The following PPFIBP1 variants were observed in gnomAD, a reference collection of about 807,000 sequenced individuals.
PPFIBP1 encodes PPFIB scaffold protein 1.
A neutral mutation model predicts 137.8 loss-of-function variants in PPFIBP1; 112 were observed. The ratio of observed to expected loss-of-function variants is 0.81; its 90% CI spans 0.70 to 0.95. The LOEUF is 0.95. Among genes scored for constraint, PPFIBP1 ranks in the 40% least tolerant of loss-of-function variants. PPFIBP1 has a pLI of 0.00. For missense variants in PPFIBP1, 1,083 were observed against 1,196.6 expected (o/e 0.91, Z 1.40); for synonymous variants, 378 against 417.3 (o/e 0.91, Z 1.15).
At chr12:27,549,734 G>A (rs1183735003) in intron 1 of PPFIBP1, among the ~76,000 whole-genome samples, 2 of 152,154 alleles carry the variant, frequency 1.3e-5, no homozygotes. Flanking sequence ...CTAGGAAAGT[G>A]GCAGTTCCAG....
chr12:27,560,768 A>G (rs1342584584), intron 1 of PPFIBP1, among the ~76,000 whole-genome samples: 1 of 152,190 alleles, frequency 6.6e-6, no homozygotes, highest in African/African-American at 2.4e-5. Flanking sequence ...CCTGGTCCAG[A>G]GGTTTATCCT....
rs563286272 is a variant in PPFIBP1 at position 27,610,737 on chromosome 12, G to A, written c.-35-22625G>A. On this transcript the variant is annotated intron_variant, in intron 2 of 29. Coordinates refer to ENST00000228425, the MANE Select transcript of PPFIBP1 (RefSeq NM_003622.4). ...GTATATCATATATCTGTGTGTCGCT[G>A]CCAGGATCCTAGCATGAACCTCTCC... 2.5e-3 allele frequency among the ~76,000 whole-genome samples: 388 copies of A among 152,242 alleles called. 2 individuals carry two copies. The highest frequency in any genetic ancestry group is 7.5e-3 in the Admixed American group (114 of 15,286).
At chr12:27,652,056 C>T (rs1255119146) in intron 7 of PPFIBP1, among the ~76,000 whole-genome samples, 1 of 152,136 alleles carries the variant, frequency 6.6e-6, no homozygotes, top group East Asian at 1.9e-4. Flanking sequence ...TGTGATGTTA[C>T]ATATGAAAAT....
At chr12:27,687,674 C>T (rs768413553) in intron 25 of PPFIBP1, among the ~76,000 whole-genome samples, 167 bp downstream of exon 25, 4 of 152,196 alleles carry the variant, frequency 2.6e-5, no homozygotes, top group Non-Finnish European at 4.4e-5. Context: ...CTCTCCATGA[C>T]GGTTCCCCTT....
chr12:27,687,581 GC>G, intron 25 of PPFIBP1, 74 bp downstream of exon 25: 2 of 1,491,480 alleles, frequency 1.3e-6, no homozygotes, highest in Non-Finnish European at 1.8e-6. Flanking sequence ...GAAACTAAGA[GC>G]CATTTTTCTT....
chr12:27,686,775 G>A (rs1352096315), intron 24 of PPFIBP1, among the ~76,000 whole-genome samples: 2 of 151,964 alleles, frequency 1.3e-5, no homozygotes, highest in South Asian at 2.1e-4. Flanking sequence ...GGTGCCTCAC[G>A]CCTGTAATCC....
At chr12:27,533,072 G>A (rs1944585365) in intron 1 of PPFIBP1, among the ~76,000 whole-genome samples, 1 of 152,174 alleles carries the variant, frequency 6.6e-6, no homozygotes, top group Non-Finnish European at 1.5e-5. Context: ...GCTATTCACA[G>A]TTGTGATCAT....
intron 14 of PPFIBP1, among the ~76,000 whole-genome samples, chr12:27,671,964 C>CAAG (rs1444400881): frequency 6.6e-6 from 1 of 151,988 alleles, no homozygotes; most frequent in East Asian, 1.9e-4. Flanking sequence ...CCCAGCTACT[C>CAAG]AGAGGCTGAG....
chr12:27,578,926 C>CA (rs1424243051), intron 2 of PPFIBP1, among the ~76,000 whole-genome samples: 1 of 152,204 alleles, frequency 6.6e-6, no homozygotes, highest in Non-Finnish European at 1.5e-5. Context: ...AGCGTGCTGA[C>CA]AGTCACCTAG....
intron 2 of PPFIBP1, among the ~76,000 whole-genome samples, chr12:27,612,725 C>G (rs2055279408): frequency 6.6e-6 from 1 of 152,176 alleles, no homozygotes; most frequent in Non-Finnish European, 1.5e-5. Context: ...TATGTACCCT[C>G]TTAGGCTTCT....
chr12:27,598,251 G>A (rs2053549072), intron 2 of PPFIBP1, among the ~76,000 whole-genome samples: 1 of 152,192 alleles, frequency 6.6e-6, no homozygotes, highest in South Asian at 2.1e-4. Flanking sequence ...GTTCCATGTG[G>A]CTGGGAAGGC....
chr12:27,677,508 C>T, intron 19 of PPFIBP1: 1 of 202,828 alleles, frequency 4.9e-6, no homozygotes, highest in East Asian at 1.1e-4. Context: ...TTTTTTTGGC[C>T]ATATAGGGAG....
chr12:27,590,529 G>T (rs1303399517), intron 2 of PPFIBP1, among the ~76,000 whole-genome samples: 1 of 152,162 alleles, frequency 6.6e-6, no homozygotes, highest in East Asian at 1.9e-4. Flanking sequence ...GTTGCCTTTA[G>T]ATCTCACAGT....
chr12:27,657,558 A>G (rs2059282954), intron 9 of PPFIBP1, among the ~76,000 whole-genome samples: 1 of 151,590 alleles, frequency 6.6e-6, no homozygotes, highest in South Asian at 2.1e-4. Flanking sequence ...CATTAGTAAC[A>G]TTGTCTGTCC....
intron 2 of PPFIBP1, among the ~76,000 whole-genome samples, chr12:27,628,633 T>G (rs1174070255): frequency 6.6e-6 from 1 of 152,228 alleles, no homozygotes; most frequent in Non-Finnish European, 1.5e-5. Context: ...AATTGGATTA[T>G]TCATGATCCT....
At chr12:27,657,626 G>A (rs1593183200) in intron 9 of PPFIBP1, among the ~76,000 whole-genome samples, 1 of 151,850 alleles carries the variant, frequency 6.6e-6, no homozygotes, top group Admixed American at 6.6e-5. Flanking sequence ...GAATACCATG[G>A]CCTTATACCC....
chr12:27,653,904 T>C (rs1478292655), intron 7 of PPFIBP1, among the ~76,000 whole-genome samples: 1 of 152,128 alleles, frequency 6.6e-6, no homozygotes, highest in Admixed American at 6.6e-5. Context: ...TAAAATTAGG[T>C]GAACTGCAGG....
chr12:27,550,868 G>A (rs1048086645), intron 1 of PPFIBP1, among the ~76,000 whole-genome samples: 2 of 151,844 alleles, frequency 1.3e-5, no homozygotes, highest in African/African-American at 2.4e-5. Flanking sequence ...ATTAACATTT[G>A]TAAGACTTGA....
chr12:27,595,993 C>A lies in PPFIBP1; in HGVS notation c.-36+17754C>A, dbSNP rs140496256. Among the ~76,000 whole-genome samples the A allele has an allele frequency of 6.6e-3, 992 of 149,824 alleles. 9 individuals carry two copies. Among genetic ancestry groups the A allele is most frequent in the African/African-American group, 0.023 (940 of 40,688 alleles). The stretch of plus-strand genomic sequence containing the variant: ...TAGAAGGACGAATGCATGGAGGTTA[C>A]TTCTCTCTTGTCAGGTGGCTAAGAT... On this transcript the variant is annotated intron_variant, in intron 2 of 29. Coordinates refer to ENST00000228425, the MANE Select transcript of PPFIBP1 (RefSeq NM_003622.4).
Sources: allele counts gnomAD v4.1 joint callset (sites outside exome capture counted in the v4.1 genomes callset), GRCh38; gene constraint gnomAD v4.1.1; transcripts MANE v1.5; gene names NCBI Gene and HGNC (gene_info 2026-07-23, HGNC 2026-07-21).